Variants in NRG3 observed in about 807,000 individuals in gnomAD.
NRG3 encodes pro-neuregulin-3, membrane-bound isoform.
In NRG3, 31 loss-of-function variants were observed where a neutral mutation model predicts 66.9. The observed-to-expected ratio is 0.46, with a 90% CI of 0.35 to 0.63. The LOEUF (loss-of-function observed/expected upper bound fraction) is 0.63. Among genes scored for constraint, NRG3 ranks in the 20% least tolerant of loss-of-function variants. The probability of loss-of-function intolerance (pLI) is 0.00; values close to 1 mark genes in which losing one functional copy is unlikely to be tolerated. For missense variants in NRG3, 910 were observed against 878.9 expected, an observed-to-expected ratio of 1.04 and a Z score of -0.45; for synonymous variants, 393 against 359.4, an observed-to-expected ratio of 1.09 and a Z score of -1.06.
At chr10:81,901,427 G>A (rs1475310340) in intron 1 of NRG3, among the ~76,000 whole-genome samples, 1 of 152,136 alleles carries the variant, frequency 6.6e-6, no homozygotes, top group East Asian at 1.9e-4. Flanking sequence ...AGTGCTTTTG[G>A]GAGGAAAAGG....
At chr10:82,014,810 T>G (rs1351608192) in intron 1 of NRG3, among the ~76,000 whole-genome samples, 1 of 152,068 alleles carries the variant, frequency 6.6e-6, no homozygotes, top group African/African-American at 2.4e-5. Context: ...TGAGATTTAT[T>G]CAGAGGAGCC....
chr10:82,771,479 C>G (rs1318010181), intron 3 of NRG3, among the ~76,000 whole-genome samples: 2 of 152,116 alleles, frequency 1.3e-5, no homozygotes, highest in Admixed American at 6.6e-5. Context: ...TAGTCAGGCT[C>G]ATTTACTGTG....
chr10:82,325,084 C>G (rs544316142), intron 1 of NRG3, among the ~76,000 whole-genome samples: 6 of 152,258 alleles, frequency 3.9e-5, no homozygotes, highest in Admixed American at 3.3e-4. Context: ...TTTTGAAGTT[C>G]TGTAGTAAGC....
At chr10:82,420,395 G>A (rs1313210548) in intron 2 of NRG3, among the ~76,000 whole-genome samples, 1 of 152,046 alleles carries the variant, frequency 6.6e-6, no homozygotes. Context: ...ATCTTATACT[G>A]TATTTATCTT....
At chr10:82,419,667 A>G (rs915370508) in intron 2 of NRG3, among the ~76,000 whole-genome samples, 1 of 152,328 alleles carries the variant, frequency 6.6e-6, no homozygotes, top group African/African-American at 2.4e-5. Flanking sequence ...TTTTGAAATC[A>G]TATATTCTTA....
chr10:82,198,196 A>G (rs1429806728), intron 1 of NRG3, among the ~76,000 whole-genome samples: 1 of 152,218 alleles, frequency 6.6e-6, no homozygotes, highest in Non-Finnish European at 1.5e-5. Flanking sequence ...AGATAGGCAC[A>G]GCCTGTCTGG....
intron 1 of NRG3, among the ~76,000 whole-genome samples, chr10:81,986,794 C>T (rs1173276287): frequency 3.3e-5 from 5 of 152,136 alleles, no homozygotes; most frequent in Non-Finnish European, 7.4e-5. Flanking sequence ...AAGTGATCCT[C>T]CTGCCTCAGC....
chr10:82,193,265 C>G (rs1368509187), intron 1 of NRG3, among the ~76,000 whole-genome samples: 1 of 152,116 alleles, frequency 6.6e-6, no homozygotes, highest in Admixed American at 6.5e-5. Context: ...CCCTCAGCCT[C>G]CTGAAGAGTT....
intron 2 of NRG3, among the ~76,000 whole-genome samples, chr10:82,682,611 T>C (rs931143223): frequency 1.3e-5 from 2 of 152,152 alleles, no homozygotes; most frequent in Admixed American, 6.5e-5. Context: ...TGCTGAATAG[T>C]TGATTCATTA....
At chr10:82,210,591 G>T (rs2075348029) in intron 1 of NRG3, among the ~76,000 whole-genome samples, 1 of 152,116 alleles carries the variant, frequency 6.6e-6, no homozygotes, top group African/African-American at 2.4e-5. Context: ...TCATGATGCA[G>T]TACTAATTTT....
chr10:82,721,531 T>C (rs1015798442), intron 2 of NRG3, among the ~76,000 whole-genome samples: 1 of 152,074 alleles, frequency 6.6e-6, no homozygotes, highest in Non-Finnish European at 1.5e-5. Flanking sequence ...CTGTCAATTC[T>C]CCTGCCTCAG....
chr10:82,106,182 C>G (rs1384361943), intron 1 of NRG3, among the ~76,000 whole-genome samples: 3 of 151,554 alleles, frequency 2.0e-5, no homozygotes, highest in African/African-American at 7.3e-5. Context: ...AGGGGCCTGA[C>G]CTTTGGTGAC....
intron 1 of NRG3, among the ~76,000 whole-genome samples, chr10:82,276,715 A>G (rs1352158328): frequency 6.6e-6 from 1 of 152,048 alleles, no homozygotes; most frequent in Non-Finnish European, 1.5e-5. Context: ...TTGGTGGACA[A>G]ATGTGTAATT....
chr10:82,082,424 G>T (rs1590042077), intron 1 of NRG3, among the ~76,000 whole-genome samples: 1 of 152,210 alleles, frequency 6.6e-6, no homozygotes. Flanking sequence ...TTGCCAGCTA[G>T]TGAGTCAAGG....
chr10:82,304,809 A>G (rs1045986176), intron 1 of NRG3, among the ~76,000 whole-genome samples: 1 of 152,114 alleles, frequency 6.6e-6, no homozygotes, highest in Non-Finnish European at 1.5e-5. Flanking sequence ...CTTTAGCCAT[A>G]TAATGTAATC....
chr10:81,960,352 T>A (rs1005259925), intron 1 of NRG3, among the ~76,000 whole-genome samples: 3 of 152,202 alleles, frequency 2.0e-5, no homozygotes, highest in African/African-American at 7.2e-5. Context: ...GTGGCCTTTT[T>A]AGGATGTAGT....
At chr10:82,913,220 A>G (rs1489192067) in intron 4 of NRG3, among the ~76,000 whole-genome samples, 1 of 152,078 alleles carries the variant, frequency 6.6e-6, no homozygotes, top group Non-Finnish European at 1.5e-5. Flanking sequence ...GCGAGACTCA[A>G]TATTTTTAAA....
chr10:82,101,009 T>C (rs1347784609), intron 1 of NRG3, among the ~76,000 whole-genome samples: 1 of 152,066 alleles, frequency 6.6e-6, no homozygotes, highest in Non-Finnish European at 1.5e-5. Context: ...TAACACACAT[T>C]AGTTCTTTAG....
chr10:82,187,645 C>T (rs1411526279), intron 1 of NRG3, among the ~76,000 whole-genome samples: 1 of 151,994 alleles, frequency 6.6e-6, no homozygotes, highest in Non-Finnish European at 1.5e-5. Context: ...CTGGTTTGCT[C>T]CTTTGTTGAT....
Sources: gnomAD v4.1 joint callset for allele counts (sites outside exome capture counted in the v4.1 genomes callset) on GRCh38, gnomAD v4.1.1 for gene constraint, MANE v1.5 for transcripts, NCBI Gene and HGNC (gene_info 2026-07-23, HGNC 2026-07-21) for gene names.